Variants in TET1 observed in about 807,000 individuals in gnomAD.
TET1 encodes tet methylcytosine dioxygenase 1, also known as methylcytosine dioxygenase TET1.
A neutral mutation model predicts 148.7 loss-of-function variants in TET1; 13 were observed. That is an observed-to-expected ratio of 0.09 (90% CI 0.06 to 0.14). The LOEUF (loss-of-function observed/expected upper bound fraction) is 0.14, where lower values mean the gene tolerates loss of function less well. Ranked by LOEUF, TET1 falls within the 10% of genes least tolerant of loss-of-function variation. The probability of loss-of-function intolerance (pLI) is 1.00; values close to 1 mark genes in which losing one functional copy is unlikely to be tolerated. For synonymous variants in TET1, 907 were observed against 937.2 expected, an observed-to-expected ratio of 0.97 and a Z score of 0.59; for missense variants, 2,182 against 2,553.8, an observed-to-expected ratio of 0.85 and a Z score of 3.14.
intron 3 of TET1, among the ~76,000 whole-genome samples, chr10:68,622,303 C>A (rs538743790): frequency 2.3e-3 from 353 of 150,774 alleles, no homozygotes; most frequent in African/African-American, 8.3e-3. Flanking sequence ...CTCTGTCGCC[C>A]AGTCTGGATG....
chr10:68,651,817 T>C, intron 4 of TET1, 29 bp from the exon 5 acceptor site: 1 of 1,560,830 alleles, frequency 6.4e-7, no homozygotes, highest in Admixed American at 1.8e-5. Context: ...TGTAAAGCTT[T>C]GGGTCTAATA....
intron 3 of TET1, among the ~76,000 whole-genome samples, chr10:68,603,009 A>G (rs1171777151): frequency 6.6e-6 from 1 of 152,226 alleles, no homozygotes; most frequent in African/African-American, 2.4e-5. Flanking sequence ...TATAGAAGAC[A>G]TAAAAAAAAT....
intron 10 of TET1, among the ~76,000 whole-genome samples, chr10:68,685,857 A>T (rs957923192): frequency 6.6e-6 from 1 of 152,168 alleles, no homozygotes; most frequent in African/African-American, 2.4e-5. Flanking sequence ...AATTAAAAAA[A>T]AATTTTTTTT....
rs2133083973 is a variant in TET1 at position 68,644,955 on chromosome 10, C to G, written c.2226C>G (p.Asp742Glu). Residue 742 changes from aspartate (D) to glutamate (E), a missense_variant, in exon 4 of 12, where the codon GAC (aspartate) becomes GAG (glutamate). Physicochemically the swap from Asp to Glu is conservative, Grantham distance 45. Around this residue, in one of 11 missense-constraint regions of TET1, gnomAD observed 226 missense variants for 307.4 expected, o/e 0.74. Coordinates refer to ENST00000373644, the MANE Select transcript of TET1 (RefSeq NM_030625.3). ...AAAAATCGAAAAACTCTGAAGTTGA[C>G]AAGAAACGAACCAAATCTCCAAAAT... ...EAEKSKNSEV[D>E]KKRTKSPKLF... 1 of 1,613,312 alleles carries G rather than the reference C, an allele frequency of 6.2e-7. No individual in the cohort carries two copies. The highest frequency in any genetic ancestry group is 1.7e-5 in the Admixed American group (1 of 59,924).
chr10:68,608,073 T>C (rs879731612), intron 3 of TET1, among the ~76,000 whole-genome samples: 2 of 149,770 alleles, frequency 1.3e-5, no homozygotes, highest in Non-Finnish European at 1.5e-5. Flanking sequence ...GGACTACAGG[T>C]GCATACCACC....
intron 1 of TET1, among the ~76,000 whole-genome samples, chr10:68,561,099 A>G (rs1301330318): frequency 6.6e-6 from 1 of 151,958 alleles, no homozygotes; most frequent in African/African-American, 2.4e-5. Context: ...CGTGGGGGAG[A>G]TGGCTGAATA....
intron 3 of TET1, among the ~76,000 whole-genome samples, chr10:68,606,506 C>T (rs578169464): frequency 9.2e-5 from 14 of 151,894 alleles, no homozygotes; most frequent in East Asian, 3.9e-4. Flanking sequence ...TTTAAACAGA[C>T]GGTTATAATG....
chr10:68,674,982 G>A (rs1434396243), intron 8 of TET1: 1 of 391,282 alleles, frequency 2.6e-6, no homozygotes, highest in Non-Finnish European at 4.8e-6. Context: ...GCCTAGCTTT[G>A]AATTGGGGAA....
intron 2 of TET1, among the ~76,000 whole-genome samples, chr10:68,583,698 G>A (rs1018852370): frequency 2.0e-5 from 3 of 152,076 alleles, no homozygotes; most frequent in African/African-American, 4.8e-5. Flanking sequence ...AGATCATGAC[G>A]TCAAGAGATC....
At chr10:68,638,120 A>C (rs531150274) in intron 3 of TET1, among the ~76,000 whole-genome samples, 3 of 152,296 alleles carry the variant, frequency 2.0e-5, no homozygotes, top group Admixed American at 2.0e-4. Context: ...TTAAATGGCC[A>C]GTGGTACTGG....
chr10:68,685,729 A>G (rs1030756364), intron 10 of TET1, among the ~76,000 whole-genome samples: 2 of 152,160 alleles, frequency 1.3e-5, no homozygotes, highest in African/African-American at 4.8e-5. Flanking sequence ...TAAGATGAAA[A>G]AAGTTGGCTA....
In TET1 at chr10:68,645,304, C is replaced by G. The variant is rs1462874401; in HGVS notation, c.2575C>G (p.Pro859Ala). The change falls in exon 4 of 12, where the codon CCT becomes GCT. Residue 859 changes from proline to alanine, a missense_variant. Pro to Ala is a conservative substitution (Grantham distance 27). This residue lies in a region of TET1 where 582 missense variants were observed against 599.5 expected (regional missense o/e 0.97). Transcript: ENST00000373644. ...IHNEGDQPKT[P>A]ENIPSKEPKD... ...CAATGAAGGTGATCAACCAAAAACT[C>G]CTGAGAATATACCAAGTAAAGAACC... is the stretch of plus-strand genomic sequence containing the variant. The G allele has an allele frequency of 6.2e-7, 1 of 1,614,138 alleles. No homozygotes were observed. Among genetic ancestry groups the G allele is most frequent in the South Asian group, 1.1e-5 (1 of 91,084 alleles).
chr10:68,572,281 T>C lies in TET1; in HGVS notation c.-58T>C. The C allele has an allele frequency of 2.1e-6, 3 of 1,447,712 alleles. No homozygotes were observed. Among genetic ancestry groups the C allele is most frequent in the Non-Finnish European group, 2.8e-6 (3 of 1,079,644 alleles). 89.7% of individuals were successfully genotyped at this position (1,447,712 alleles called of 1,614,324 possible). On this transcript the variant is annotated 5_prime_UTR_variant, in exon 2 of 12. Coordinates refer to ENST00000373644, the MANE Select transcript of TET1 (RefSeq NM_030625.3). Reference sequence around the variant, plus strand: ...CAGATTCTCCTCAGAAGTGAGACTTTCCAAAGGACCAATGACTCTGTTTCC... The same window carrying C: ...CAGATTCTCCTCAGAAGTGAGACTTCCCAAAGGACCAATGACTCTGTTTCC...
intron 2 of TET1, among the ~76,000 whole-genome samples, chr10:68,595,105 A>AT (rs2132851861): frequency 6.6e-6 from 1 of 151,432 alleles, no homozygotes; most frequent in African/African-American, 2.4e-5. Context: ...GTGGGCTATG[A>AT]TTGGAGCATT....
At chr10:68,595,984 A>ACATACAC (rs1491216792) in intron 2 of TET1, among the ~76,000 whole-genome samples, 1 of 30,678 alleles carries the variant, frequency 3.3e-5, no homozygotes, top group Non-Finnish European at 6.6e-5. Context: ...ACACATATAT[A>ACATACAC]CACACACACA....
chr10:68,654,111 A>AAG (rs1303388143), intron 6 of TET1, among the ~76,000 whole-genome samples: 1 of 150,798 alleles, frequency 6.6e-6, no homozygotes, highest in Non-Finnish European at 1.5e-5. Flanking sequence ...GTCTCCAAAA[A>AAG]AAAAAAAAAA....
chr10:68,565,697 G>C (rs1402609389), intron 1 of TET1, among the ~76,000 whole-genome samples: 1 of 151,990 alleles, frequency 6.6e-6, no homozygotes. Flanking sequence ...CAAATTTCAG[G>C]ATAAACTTAC....
At chr10:68,664,670 A>AT (rs398013961) in intron 6 of TET1, among the ~76,000 whole-genome samples, 87,314 of 99,496 alleles carry the variant, frequency 0.88, 39,033 homozygotes, top group South Asian at 0.95. Context: ...CCCAGCCTGC[A>AT]TTTTTTTTTT....
chr10:68,626,089 C>CAAAAAAAA lies in TET1; in HGVS notation c.1969-18608_1969-18601dup, dbSNP rs768111191. ...ACAGAGTAAGAACGAGACCCTATCT[C>CAAAAAAAA]AAAAAAAAGAAAAAAAAAAAGAAAA... is the stretch of plus-strand genomic sequence containing the variant. On this transcript the variant is annotated intron_variant, in intron 3 of 11. Transcript: ENST00000373644. Among the ~76,000 whole-genome samples, 96 of 34,468 alleles carry CAAAAAAAA rather than the reference C, an allele frequency of 2.8e-3. 3 individuals carry two copies. The highest frequency in any genetic ancestry group is 9.6e-3 in the South Asian group (9 of 938). 22.6% of individuals were successfully genotyped at this position (34,468 alleles called of 152,430 possible). A position where few individuals can be genotyped will look rare whatever the true frequency, so the allele number is the denominator to read the frequency against.
Sources: allele counts gnomAD v4.1 joint callset (sites outside exome capture counted in the v4.1 genomes callset), GRCh38; gene constraint gnomAD v4.1.1; regional missense constraint gnomAD v4.1.1; transcripts MANE v1.5; gene names NCBI Gene and HGNC (gene_info 2026-07-23, HGNC 2026-07-21).